Variants in TEX11 observed in about 807,000 individuals in gnomAD.
The protein encoded by TEX11 is testis-expressed protein 11.
In TEX11, 7 loss-of-function variants were observed where a neutral mutation model predicts 84.4. The observed-to-expected ratio is 0.08, with a 90% CI of 0.05 to 0.16. The LOEUF is 0.16. Ranked by LOEUF, TEX11 falls within the 10% of genes least tolerant of loss-of-function variation. The pLI is 1.00. For missense variants in TEX11, 551 were observed against 660.5 expected, an observed-to-expected ratio of 0.83 and a Z score of 1.82; for synonymous variants, 264 against 222.8, an observed-to-expected ratio of 1.18 and a Z score of -1.64.
At chrX:70,724,757 T>C (rs1352906984) in intron 12 of TEX11, among the ~76,000 whole-genome samples, 1 of 111,521 alleles carries the variant, frequency 9.0e-6, no homozygotes, top group Non-Finnish European at 1.9e-5. Flanking sequence ...AACAACATGA[T>C]GAGGTAGATA....
intron 9 of TEX11, among the ~76,000 whole-genome samples, chrX:70,749,685 G>A (rs377126345): frequency 0.068 from 6,865 of 100,516 alleles, 559 homozygotes; most frequent in African/African-American, 0.21. Context: ...ATAATCATGT[G>A]GTTTTTGTCT....
chrX:70,744,160 C>T lies in TEX11; in HGVS notation c.747+5G>A. Reference sequence around the variant, plus strand: ...TATTTCTACAATATTTAACATGATCCTTACCAGCATTTCTGGCCCAGTAGA... The same window carrying T: ...TATTTCTACAATATTTAACATGATCTTTACCAGCATTTCTGGCCCAGTAGA... On this transcript the variant is annotated splice_donor_5th_base_variant and intron_variant, in intron 10 of 29. Transcript: ENST00000374333. The T allele has an allele frequency of 9.6e-7, 1 of 1,045,582 alleles. No individual in the cohort carries two copies. Among genetic ancestry groups the T allele is most frequent in the African/African-American group, 1.9e-5 (1 of 51,879 alleles). 86.2% of individuals were successfully genotyped at this position (1,045,582 alleles called of 1,213,427 possible). A position where few individuals can be genotyped will look rare whatever the true frequency, so the allele number is the denominator to read the frequency against.
downstream of TEX11, among the ~76,000 whole-genome samples, chrX:70,524,440 A>G (rs970930407): frequency 1.7e-4 from 19 of 112,959 alleles, no homozygotes; most frequent in African/African-American, 6.1e-4. Flanking sequence ...TGCTGATCAA[A>G]TGTGCAGATG....
At chrX:70,664,186 C>T (rs1018943952) in intron 16 of TEX11, among the ~76,000 whole-genome samples, 1 of 111,780 alleles carries the variant, frequency 8.9e-6, no homozygotes, top group Non-Finnish European at 1.9e-5. Context: ...TACATTAAAT[C>T]TCTATTGATT....
chrX:70,621,025 A>G (rs1020921052), intron 20 of TEX11, among the ~76,000 whole-genome samples: 3 of 111,176 alleles, frequency 2.7e-5, no homozygotes, highest in African/African-American at 9.8e-5. Flanking sequence ...AACCCATAGA[A>G]TGTACAACAT....
At chrX:70,729,960 C>A (rs1488008051) in intron 11 of TEX11, among the ~76,000 whole-genome samples, 1 of 112,393 alleles carries the variant, frequency 8.9e-6, no homozygotes, top group African/African-American at 3.2e-5. Context: ...CAGCTGATCT[C>A]TCGGCAGAAA....
intron 25 of TEX11, among the ~76,000 whole-genome samples, chrX:70,555,486 A>C (rs1030257394): frequency 8.9e-6 from 1 of 112,426 alleles, no homozygotes; most frequent in South Asian, 3.6e-4. Flanking sequence ...TGTAATAACT[A>C]CCTAGATTGT....
intron 28 of TEX11, among the ~76,000 whole-genome samples, chrX:70,550,569 GT>G (rs1256895100): frequency 2.7e-5 from 3 of 111,611 alleles, no homozygotes; most frequent in Non-Finnish European, 5.7e-5. Context: ...TAATAATCGA[GT>G]TTTAAAATAA....
chrX:70,702,952 AGCAAACTTTATATAGTG>A (rs1167568938), intron 13 of TEX11, among the ~76,000 whole-genome samples: 1 of 111,896 alleles, frequency 8.9e-6, no homozygotes, highest in Non-Finnish European at 1.9e-5. Flanking sequence ...TCATAGTAGT[AGCAAACTTTATATAGTG>A]GCAAACTTTA....
chrX:70,516,759 A>C, the TEX11 span, among the ~76,000 whole-genome samples: 1 of 110,218 alleles, frequency 9.1e-6, no homozygotes, highest in African/African-American at 3.3e-5. Context: ...ATGAGCATGG[A>C]ATGTTCTTCC....
intron 28 of TEX11, among the ~76,000 whole-genome samples, chrX:70,538,973 G>A (rs1407950699): frequency 1.0e-5 from 1 of 97,875 alleles, no homozygotes; most frequent in Non-Finnish European, 2.0e-5. Context: ...AAAAGATACT[G>A]ATAAATGACC....
At chrX:70,801,633 CTTT>C (rs2091188547) in intron 9 of TEX11, among the ~76,000 whole-genome samples, 1 of 6,465 alleles carries the variant, frequency 1.5e-4, no homozygotes, top group African/African-American at 8.2e-4. Context: ...TATTTTCTTT[CTTT>C]CTTTCTTTCT....
chrX:70,814,232 T>C (rs2091274383), intron 8 of TEX11, among the ~76,000 whole-genome samples: 2 of 111,894 alleles, frequency 1.8e-5, no homozygotes, highest in South Asian at 3.8e-4. Context: ...CAAAACAGCA[T>C]GGTACTGGTA....
chrX:70,548,036 T>A (rs1173039197), intron 28 of TEX11, among the ~76,000 whole-genome samples: 4 of 111,845 alleles, frequency 3.6e-5, no homozygotes, highest in Admixed American at 2.9e-4. Context: ...CCAGCAATGA[T>A]AGACTGGATT....
At chrX:70,517,754 T>C in the TEX11 span, among the ~76,000 whole-genome samples, 1 of 111,111 alleles carries the variant, frequency 9.0e-6, no homozygotes, top group African/African-American at 3.3e-5. Context: ...TCTGGTCCTG[T>C]ACATTTTTGG....
chrX:70,679,475 A>G (rs1294160378), intron 14 of TEX11, among the ~76,000 whole-genome samples: 44 of 95,344 alleles, frequency 4.6e-4, no homozygotes, highest in Non-Finnish European at 7.7e-4. Context: ...CCCGGCCGCC[A>G]TCCCATCTAG....
At chrX:70,777,971 C>T (rs1213900121) in intron 9 of TEX11, among the ~76,000 whole-genome samples, 1 of 111,934 alleles carries the variant, frequency 8.9e-6, no homozygotes, top group Non-Finnish European at 1.9e-5. Flanking sequence ...ATGGATAAAA[C>T]AACAAATCTA....
At position 70,694,040 on chromosome X, in the gene TEX11, T is replaced by TTTTTA. The variant is rs1206467351; in HGVS notation, c.1005-11216_1005-11215insTAAAA. On this transcript the variant is annotated intron_variant, in intron 13 of 29. Transcript: ENST00000374333. ...ACCCCAAATATTGAAAGGAGCTTCA[T>TTTTTA]TTTTCTTTTCTTTTCTTTTTTGTGA... is the stretch of plus-strand genomic sequence containing the variant. Among the ~76,000 whole-genome samples, 5 of 110,891 alleles carry TTTTTA rather than the reference T, an allele frequency of 4.5e-5. No homozygotes were observed. In the Admixed American group the frequency reaches 4.8e-4, roughly 11 times the overall value.
chrX:70,841,496 C>T (rs1338759784), intron 7 of TEX11, among the ~76,000 whole-genome samples: 14 of 110,572 alleles, frequency 1.3e-4, no homozygotes, highest in Non-Finnish European at 5.7e-5. Context: ...TAGAGGGAAA[C>T]TTATAGCACT....
Sources: gnomAD v4.1 joint callset for allele counts (sites outside exome capture counted in the v4.1 genomes callset) on GRCh38, gnomAD v4.1.1 for gene constraint, MANE v1.5 for transcripts, NCBI Gene and HGNC (gene_info 2026-07-23, HGNC 2026-07-21) for gene names.